The following COL5A1 variants were observed in gnomAD, a reference collection of about 807,000 sequenced individuals.
COL5A1 encodes collagen type V alpha 1 chain.
COL5A1 carries 16 observed loss-of-function variants against 263.7 expected under a neutral mutation model. That is an observed-to-expected ratio of 0.06 (90% CI 0.04 to 0.09). The LOEUF (loss-of-function observed/expected upper bound fraction) is 0.09, where lower values mean the gene tolerates loss of function less well. Ranked by LOEUF, COL5A1 falls within the 10% of genes least tolerant of loss-of-function variation. The pLI is 1.00. For missense variants in COL5A1, 2,036 were observed against 2,540.5 expected (o/e 0.80, Z 4.27); for synonymous variants, 1,012 against 1,004.5 (o/e 1.01, Z -0.14).
In COL5A1 at chr9:134,842,091, T is replaced by G. The variant is rs12554062; in HGVS notation, c.5371-66T>G. 0.13 allele frequency: 200,038 copies of G among 1,582,686 alleles called. 13,495 individuals are homozygous for G. Among genetic ancestry groups the G allele is most frequent in the East Asian group, 0.25 (11,159 of 44,514 alleles). On this transcript the variant is annotated intron_variant, in intron 65 of 65. Transcript: ENST00000371817. The surrounding 1 kb of genome is among the most constrained non-coding windows in gnomAD (Gnocchi z 5.8). ...TTGGAGCCAGACAGATTGTGGGGGG[T>G]GATTGGTAAACCCCAAGACCCCCAA...
At chr9:134,760,998 C>T (rs111163079) in intron 18 of COL5A1, among the ~76,000 whole-genome samples, 83 of 150,020 alleles carry the variant, frequency 5.5e-4, no homozygotes, top group African/African-American at 1.9e-3. Flanking sequence ...CACACATACA[C>T]GTGCACACCA....
intron 31 of COL5A1, among the ~76,000 whole-genome samples, chr9:134,788,473 C>T (rs572545619): frequency 2.1e-4 from 29 of 136,756 alleles, no homozygotes; most frequent in Non-Finnish European, 4.4e-4. Context: ...CATAGGTAGG[C>T]CAGTGGGTGG....
At chr9:134,824,197 C>G (rs1839155976) in intron 61 of COL5A1, among the ~76,000 whole-genome samples, 1 of 152,194 alleles carries the variant, frequency 6.6e-6, no homozygotes, top group African/African-American at 2.4e-5. Flanking sequence ...CTCTTTGCAT[C>G]AGGAGGCATT....
In COL5A1 at chr9:134,647,606, G is replaced by T. The variant is rs1180017201; in HGVS notation, c.109+5310G>T. Among the ~76,000 whole-genome samples, 1 of 152,178 alleles carries T rather than the reference G, an allele frequency of 6.6e-6. No homozygotes were observed. Among genetic ancestry groups the T allele is most frequent in the East Asian group, 1.9e-4 (1 of 5,192 alleles). ...GCAGGGCGACGTTTCTCTCCTTACC[G>T]TGACCCGGCCCCAGCTGGACGGGAG... On this transcript the variant is annotated intron_variant, in intron 1 of 65. Coordinates refer to ENST00000371817, the MANE Select transcript of COL5A1 (RefSeq NM_000093.5). The surrounding 1 kb of genome is among the most constrained non-coding windows in gnomAD (Gnocchi z 5.0).
rs1057523879 is a variant in COL5A1 at position 134,780,093 on chromosome 9, C to T, written c.2386-9C>T. ...CCATTCACTCCTTTTTCTTTTCCCA[C>T]CCGCACAGGGGGCCGATGGCATCCG... On this transcript the variant is annotated splice_polypyrimidine_tract_variant and intron_variant, in intron 27 of 65. Coordinates refer to ENST00000371817, the MANE Select transcript of COL5A1 (RefSeq NM_000093.5). 6.2e-7 allele frequency: 1 copy of T among 1,613,498 alleles called. No individual in the cohort carries two copies. Among genetic ancestry groups the T allele is most frequent in the Non-Finnish European group, 8.5e-7 (1 of 1,179,982 alleles).
At chr9:134,670,055 C>T (rs955396585) in intron 1 of COL5A1, among the ~76,000 whole-genome samples, 3 of 152,184 alleles carry the variant, frequency 2.0e-5, no homozygotes, top group Non-Finnish European at 2.9e-5. Context: ...TGTGCAGAAA[C>T]GGTGTTGTGC....
rs1564487390 is a variant in COL5A1, at chr9:134,824,865, T to A, written c.4954+10T>A. On this transcript the variant is annotated intron_variant, in intron 62 of 65. Transcript: ENST00000371817. ...CCCGACTTCCCAGATGGTGAGGGCC[T>A]GGGGGGGCAGGGGTGGCCCCCCAAA... is the stretch of plus-strand genomic sequence containing the variant. 1 of 1,608,016 alleles carries A rather than the reference T, an allele frequency of 6.2e-7. No homozygotes were observed. Among genetic ancestry groups the A allele is most frequent in the Non-Finnish European group, 8.5e-7 (1 of 1,178,268 alleles).
chr9:134,774,792 T>C, intron 26 of COL5A1, 67 bp from the exon 27 acceptor site: 1 of 1,525,910 alleles, frequency 6.6e-7, no homozygotes, highest in Non-Finnish European at 9.0e-7. Flanking sequence ...ACTCTGGAGT[T>C]TCCTGATGTT....
intron 1 of COL5A1, among the ~76,000 whole-genome samples, chr9:134,690,165 T>G (rs1366683735): frequency 1.3e-5 from 2 of 152,150 alleles, no homozygotes; most frequent in Non-Finnish European, 2.9e-5. Flanking sequence ...TCAGGAACCT[T>G]CTGGAAGGGA....
Position 134,763,686 on chromosome 9 carries a change from T to C in COL5A1, c.1990-7T>C. 1.2e-6 allele frequency: 2 copies of C among 1,613,544 alleles called. No homozygotes were observed. Among genetic ancestry groups the C allele is most frequent in the Non-Finnish European group, 1.7e-6 (2 of 1,179,678 alleles). On this transcript the variant is annotated splice_polypyrimidine_tract_variant and splice_region_variant and intron_variant, in intron 19 of 65. Coordinates refer to ENST00000371817, the MANE Select transcript of COL5A1 (RefSeq NM_000093.5). ...TTCTCTAACCTTGCCTTTTTTCTCC[T>C]CTGCAGGGTGACGACGGAGAAGTTG... is the stretch of plus-strand genomic sequence containing the variant.
At position 134,724,726 on chromosome 9, in the gene COL5A1, G is replaced by A. The variant is rs369595830; in HGVS notation, c.655-2540G>A. Among the ~76,000 whole-genome samples, 3 of 152,300 alleles carry A rather than the reference G, an allele frequency of 2.0e-5. No homozygotes were observed. The East Asian group carries it at 5.8e-4, about 29-fold the overall frequency. ...TCAGAAGTACACAGCGCAAAGCCAC[G>A]TCACAGCCACCGCGGCTGCAGGCCA... On this transcript the variant is annotated intron_variant, in intron 4 of 65. Transcript: ENST00000371817.
intron 28 of COL5A1, 76 bp from the exon 29 acceptor site, chr9:134,782,591 T>G (rs1340689044): frequency 2.2e-6 from 3 of 1,380,910 alleles, no homozygotes; most frequent in African/African-American, 2.9e-5. Context: ...AGTGTGGTTG[T>G]TTGGAGCGGG....
At position 134,756,772 on chromosome 9, in the gene COL5A1, C is replaced by A. The variant is rs1385712217; in HGVS notation, c.1835C>A (p.Ala612Asp). ...PAGKPGRRGR[A>D]GSDGARGMPG... ...TTGCCTCCTTTGTTCCAGGGTCGGG[C>A]TGGGAGTGATGGAGCCAGAGGAATG... Residue 612 changes from alanine (A) to aspartate (D), a missense_variant, in exon 17 of 66, where the codon GCT (alanine) becomes GAT (aspartate). By Grantham distance (126) the Ala-to-Asp change is moderately radical. Coordinates refer to ENST00000371817, the MANE Select transcript of COL5A1 (RefSeq NM_000093.5). 3 of 1,613,880 alleles carry A rather than the reference C, an allele frequency of 1.9e-6. No individual in the cohort carries two copies. Among genetic ancestry groups the A allele is most frequent in the South Asian group, 1.1e-5 (1 of 91,092 alleles).
At position 134,765,611 on chromosome 9, in the gene COL5A1, C is replaced by A; in HGVS notation, c.2035-70C>A. 1.4e-6 allele frequency: 2 copies of A among 1,396,236 alleles called. No homozygotes were observed. Among genetic ancestry groups the A allele is most frequent in the Non-Finnish European group, 2.0e-6 (2 of 983,024 alleles). The allele number at this position is 1,396,236 out of a possible 1,614,324, so 86.5% of individuals were successfully genotyped here. ...CTGGGTGGAGTCAGGGCCAAGTGGG[C>A]ATAGGGGACAGAGAGGAGGGCTGGG... On this transcript the variant is annotated intron_variant, in intron 20 of 65. Coordinates refer to ENST00000371817, the MANE Select transcript of COL5A1 (RefSeq NM_000093.5). The surrounding 1 kb of genome is among the most constrained non-coding windows in gnomAD (Gnocchi z 5.1).
Position 134,818,551 on chromosome 9 carries a change from C to T in COL5A1, c.4231-105C>T, listed in dbSNP as rs760798849. 7.1e-5 allele frequency: 57 copies of T among 808,154 alleles called. 1 individual carries two copies. Among genetic ancestry groups the T allele is most frequent in the South Asian group, 6.0e-4 (41 of 67,852 alleles). 50.1% of individuals were successfully genotyped at this position (808,154 alleles called of 1,614,324 possible). ...AGGGCAACCCCGGATATGGGGTCAC[C>T]TGGGACTCCTCCAGAGGTGCCCAGG... On this transcript the variant is annotated intron_variant, in intron 54 of 65. Transcript: ENST00000371817. This position sits in a 1 kb window ranked among gnomAD's most constrained non-coding sequence, Gnocchi z 6.0.
chr9:134,644,678 T>A (rs1831419223), intron 1 of COL5A1, among the ~76,000 whole-genome samples: 1 of 152,214 alleles, frequency 6.6e-6, no homozygotes. Flanking sequence ...ACAGTTCTTT[T>A]GCCTGCTTTC....
intron 11 of COL5A1, 60 bp downstream of exon 11, chr9:134,738,868 C>T (rs550361122): frequency 7.2e-7 from 1 of 1,380,342 alleles, no homozygotes; most frequent in Non-Finnish European, 1.0e-6. Context: ...CACGCCTCCT[C>T]TCCACACTGT....
chr9:134,685,914 CCATT>C (rs1401825322), intron 1 of COL5A1, among the ~76,000 whole-genome samples: 2 of 150,396 alleles, frequency 1.3e-5, no homozygotes, highest in African/African-American at 4.9e-5. Flanking sequence ...ATCCATCCAT[CCATT>C]CATCCATCCA....
At chr9:134,760,755 C>T (rs1219747630) in intron 18 of COL5A1, among the ~76,000 whole-genome samples, 2 of 129,566 alleles carry the variant, frequency 1.5e-5, no homozygotes, top group Non-Finnish European at 3.1e-5. Flanking sequence ...CACACACACC[C>T]CACACATACA....
Sources: gnomAD v4.1 joint callset for allele counts (sites outside exome capture counted in the v4.1 genomes callset) on GRCh38, gnomAD v4.1.1 for gene constraint, Gnocchi (gnomAD v3.1) non-coding constraint, MANE v1.5 for transcripts, NCBI Gene and HGNC (gene_info 2026-07-23, HGNC 2026-07-21) for gene names.